CCDC6: variants seen among roughly 807,000 people sequenced by gnomAD.
CCDC6 encodes the protein coiled-coil domain-containing protein 6.
Under a neutral mutation model 56.6 loss-of-function variants are expected in CCDC6, and 20 were observed. The observed-to-expected ratio is 0.35, with a 90% CI of 0.25 to 0.51. CCDC6 has a LOEUF of 0.51. CCDC6 is among the 20% of genes least tolerant of loss of function. The pLI, the probability that CCDC6 is intolerant of heterozygous loss-of-function variation, is 0.95. For synonymous variants in CCDC6, 241 were observed against 234.4 expected, an observed-to-expected ratio of 1.03 and a Z score of -0.26; for missense variants, 367 against 601.1, an observed-to-expected ratio of 0.61 and a Z score of 4.07.
chr10:59,882,016 A>G, intron 1 of CCDC6, among the ~76,000 whole-genome samples: 1 of 67,760 alleles, frequency 1.5e-5, no homozygotes, highest in African/African-American at 6.6e-5. Flanking sequence ...GGAGAAGGAA[A>G]GGAAAGCCGC....
intron 1 of CCDC6, among the ~76,000 whole-genome samples, chr10:59,905,675 G>A (rs1286668264): frequency 6.6e-6 from 1 of 152,004 alleles, no homozygotes; most frequent in Non-Finnish European, 1.5e-5. Context: ...GTCCAGCTGC[G>A]AACCCCCACA....
chr10:59,879,880 T>C (rs1210628957), intron 1 of CCDC6, among the ~76,000 whole-genome samples: 2 of 152,220 alleles, frequency 1.3e-5, no homozygotes, highest in African/African-American at 4.8e-5. Context: ...GTTCAATATG[T>C]GCCTAGAGGT....
At chr10:59,904,648 C>T (rs1038722701) in intron 1 of CCDC6, among the ~76,000 whole-genome samples, 4 of 152,206 alleles carry the variant, frequency 2.6e-5, no homozygotes, top group Admixed American at 1.3e-4. Context: ...TTCCCCGCCC[C>T]CCACCTTCCT....
chr10:59,869,441 A>C (rs1346307540), intron 1 of CCDC6, among the ~76,000 whole-genome samples: 69 of 122,818 alleles, frequency 5.6e-4, no homozygotes, highest in Non-Finnish European at 5.5e-4. Context: ...AAAAAAAAAA[A>C]CAGAAACAAA....
At chr10:59,876,469 C>T (rs1404113087) in intron 1 of CCDC6, among the ~76,000 whole-genome samples, 1 of 151,854 alleles carries the variant, frequency 6.6e-6, no homozygotes. Context: ...AAAAGGCTCC[C>T]TTACCCAGAA....
chr10:59,808,263 G>A (rs1358533624), intron 5 of CCDC6, among the ~76,000 whole-genome samples: 2 of 152,158 alleles, frequency 1.3e-5, no homozygotes, highest in East Asian at 3.9e-4. Flanking sequence ...ATGGGGAACT[G>A]ACATCTTTAT....
Position 59,790,404 on chromosome 10 carries a change from C to T in CCDC6, c.*2513G>A, listed in dbSNP as rs993554812. 7.4e-5 allele frequency: 16 copies of T among 216,948 alleles called. No individual in the cohort carries two copies. The allele number at this position is 216,948 out of a possible 1,614,324, so 13.4% of individuals were successfully genotyped here. A position where few individuals can be genotyped will look rare whatever the true frequency, so the allele number is the denominator to read the frequency against. On this transcript the variant is annotated 3_prime_UTR_variant, in exon 9 of 9. Transcript: ENST00000263102. ...ATGTTCAGCCCCCATGAGAAGTGCC[C>T]GACTGAGGGAAGTCAGCTTCCCATA... is the stretch of plus-strand genomic sequence containing the variant.
chr10:59,866,656 A>C (rs2071180365), intron 1 of CCDC6, among the ~76,000 whole-genome samples: 2 of 152,156 alleles, frequency 1.3e-5, no homozygotes, highest in South Asian at 4.1e-4. Context: ...AGAGAGGTCA[A>C]GCAACCTGCC....
intron 1 of CCDC6, among the ~76,000 whole-genome samples, chr10:59,898,479 C>T (rs1198991804): frequency 8.5e-5 from 13 of 152,158 alleles, no homozygotes; most frequent in Admixed American, 8.5e-4. Flanking sequence ...GGTAAAATTC[C>T]CCTCCCTGGG....
intron 2 of CCDC6, among the ~76,000 whole-genome samples, chr10:59,846,399 A>G (rs2070991767): frequency 6.6e-6 from 1 of 152,184 alleles, no homozygotes; most frequent in Non-Finnish European, 1.5e-5. Flanking sequence ...CATTTGGCAG[A>G]GGTAGTTTCA....
At position 59,902,374 on chromosome 10, in the gene CCDC6, G is replaced by A. The variant is rs908860633; in HGVS notation, c.303+3748C>T. Among the ~76,000 whole-genome samples the A allele has an allele frequency of 9.4e-5, 14 of 149,472 alleles. 1 individual carries two copies. Among genetic ancestry groups the A allele is most frequent in the Admixed American group, 8.9e-4 (13 of 14,664 alleles). ...AACACTGACTACAGCAAATGTTGGT[G>A]AGCAACAGTAACTCTTTTTTTTTTT... is the stretch of plus-strand genomic sequence containing the variant. On this transcript the variant is annotated intron_variant, in intron 1 of 8. Transcript: ENST00000263102.
chr10:59,897,482 C>T (rs1233961098), intron 1 of CCDC6, among the ~76,000 whole-genome samples: 32 of 151,992 alleles, frequency 2.1e-4, no homozygotes, highest in Admixed American at 2.0e-3. Context: ...CTCAAACTCC[C>T]GACCTCAGGT....
chr10:59,814,305 A>G (rs1171762663), intron 4 of CCDC6, among the ~76,000 whole-genome samples: 1 of 152,216 alleles, frequency 6.6e-6, no homozygotes, highest in Non-Finnish European at 1.5e-5. Flanking sequence ...TATGTACTTT[A>G]CAAAACAACT....
At chr10:59,895,564 A>C (rs2132685315) in intron 1 of CCDC6, among the ~76,000 whole-genome samples, 1 of 152,340 alleles carries the variant, frequency 6.6e-6, no homozygotes, top group Middle Eastern at 3.4e-3. Flanking sequence ...ATAGTGCCTA[A>C]CCCATAGTAA....
At chr10:59,880,090 T>C (rs1165510450) in intron 1 of CCDC6, among the ~76,000 whole-genome samples, 1 of 152,196 alleles carries the variant, frequency 6.6e-6, no homozygotes, top group African/African-American at 2.4e-5. Context: ...TGCATCAATA[T>C]TTTTAATCCA....
intron 2 of CCDC6, 72 bp from the exon 3 acceptor site, chr10:59,832,725 G>T (rs1390703802): frequency 2.0e-6 from 3 of 1,517,664 alleles, no homozygotes; most frequent in Non-Finnish European, 2.7e-6. Context: ...GCTCCAAAAG[G>T]TGACTATACA....
At chr10:59,903,859 TCA>T (rs1460780800) in intron 1 of CCDC6, among the ~76,000 whole-genome samples, 2 of 152,076 alleles carry the variant, frequency 1.3e-5, no homozygotes, top group African/African-American at 4.8e-5. Flanking sequence ...TTTCATGGAG[TCA>T]CATAAATTTC....
intron 6 of CCDC6, chr10:59,806,443 AAAAGTTATC>A (rs1463224171): frequency 6.6e-6 from 1 of 152,596 alleles, no homozygotes; most frequent in African/African-American, 2.4e-5. Flanking sequence ...AAAAAGGCTC[AAAAGTTATC>A]AAGTGTGTTA....
chr10:59,899,318 C>T (rs2071486990), intron 1 of CCDC6, among the ~76,000 whole-genome samples: 1 of 152,138 alleles, frequency 6.6e-6, no homozygotes, highest in Non-Finnish European at 1.5e-5. Flanking sequence ...CAACACCTAC[C>T]CACTAAGGAA....
Sources: gnomAD v4.1 joint callset for allele counts (sites outside exome capture counted in the v4.1 genomes callset) on GRCh38, gnomAD v4.1.1 for gene constraint, MANE v1.5 for transcripts, NCBI Gene and HGNC (gene_info 2026-07-23, HGNC 2026-07-21) for gene names.